RASA3: variants seen among roughly 807,000 people sequenced by gnomAD.
RASA3 encodes RAS p21 protein activator 3, also known as ras GTPase-activating protein 3.
In RASA3, 73 loss-of-function variants were observed where a neutral mutation model predicts 110.0. The ratio of observed to expected loss-of-function variants is 0.66; its 90% CI spans 0.55 to 0.81. The LOEUF (loss-of-function observed/expected upper bound fraction) is 0.81. Among genes scored for constraint, RASA3 ranks in the 30% least tolerant of loss-of-function variants. The probability of loss-of-function intolerance (pLI) is 0.00; values close to 1 mark genes in which losing one functional copy is unlikely to be tolerated. For synonymous variants in RASA3, 500 were observed against 451.4 expected (o/e 1.11, Z -1.37); for missense variants, 976 against 1,113.2 (o/e 0.88, Z 1.75).
chr13:114,039,464 A>T (rs917806060), intron 4 of RASA3, among the ~76,000 whole-genome samples: 2 of 152,086 alleles, frequency 1.3e-5, no homozygotes, highest in Non-Finnish European at 2.9e-5. Flanking sequence ...CTGAGGACCC[A>T]GGAAGCCGTC....
In RASA3 at chr13:114,014,126, GTC is replaced by G. The variant is rs768608216; in HGVS notation, c.1406-880_1406-879del. On this transcript the variant is annotated intron_variant, in intron 14 of 23. Transcript: ENST00000334062. The surrounding 1 kb of genome is among the most constrained non-coding windows in gnomAD (Gnocchi z 4.5). ...TCCCTGTCTCTCTCTCTCTCTCCTT[GTC>G]TCTCTCTGTCTCTCTCCTTCTGTCT... Among the ~76,000 whole-genome samples, 2 of 138,980 alleles carry G rather than the reference GTC, an allele frequency of 1.4e-5. No homozygotes were observed. Among genetic ancestry groups the G allele is most frequent in the Non-Finnish European group, 3.1e-5 (2 of 63,680 alleles). The allele number at this position is 138,980 out of a possible 152,430, so 91.2% of individuals were successfully genotyped here. A position where few individuals can be genotyped will look rare whatever the true frequency, so the allele number is the denominator to read the frequency against.
At chr13:114,041,692 T>G (rs1201682646) in intron 3 of RASA3, among the ~76,000 whole-genome samples, 2 of 152,260 alleles carry the variant, frequency 1.3e-5, no homozygotes, top group Non-Finnish European at 2.9e-5. Context: ...TTTCCGTGTG[T>G]GTGGACACGC....
At chr13:114,034,541 G>T (rs566819859) in intron 4 of RASA3, among the ~76,000 whole-genome samples, 4 of 152,220 alleles carry the variant, frequency 2.6e-5, no homozygotes, top group Non-Finnish European at 5.9e-5. Context: ...TGTTCCTGCA[G>T]CATGAATCCC....
At chr13:114,016,299 G>A (rs374402193) in intron 12 of RASA3, 28 bp from the exon 13 acceptor site, 6 of 1,517,260 alleles carry the variant, frequency 4.0e-6, no homozygotes, top group Admixed American at 1.7e-5. Context: ...ACAGGGCTCT[G>A]TGAGTGGGTT....
At chr13:114,052,233 T>C in intron 2 of RASA3, 78 bp from the exon 3 acceptor site, 2 of 957,930 alleles carry the variant, frequency 2.1e-6, no homozygotes, top group South Asian at 2.8e-5. Flanking sequence ...ACGTGTGGTC[T>C]TAGTTTTAAA....
chr13:114,112,099 A>AT lies in RASA3; in HGVS notation c.55+20335_55+20336insA, dbSNP rs1555343905. ...TCCCTGGAAACAGCAGCCCCCAGGC[A>AT]CCCCCCCCAGCAACTGGGACAAGGG... is the stretch of plus-strand genomic sequence containing the variant. On this transcript the variant is annotated intron_variant, in intron 1 of 23. Coordinates refer to ENST00000334062, the MANE Select transcript of RASA3 (RefSeq NM_007368.4). This position sits in a 1 kb window ranked among gnomAD's most constrained non-coding sequence, Gnocchi z 4.8. Among the ~76,000 whole-genome samples the AT allele has an allele frequency of 6.7e-6, 1 of 149,176 alleles. No individual in the cohort carries two copies. Among genetic ancestry groups the AT allele is most frequent in the Non-Finnish European group, 1.5e-5 (1 of 67,156 alleles).
At chr13:114,127,243 C>T (rs2080463205) in intron 1 of RASA3, among the ~76,000 whole-genome samples, 2 of 152,262 alleles carry the variant, frequency 1.3e-5, no homozygotes, top group African/African-American at 4.8e-5. Context: ...GTGTTTTCCA[C>T]CAATGCCAGA....
At chr13:114,058,051 A>G (rs2079274406) in intron 2 of RASA3, among the ~76,000 whole-genome samples, 1 of 151,854 alleles carries the variant, frequency 6.6e-6, no homozygotes, top group Non-Finnish European at 1.5e-5. Context: ...GTCCTGTCCT[A>G]TTCATTCATT....
At chr13:114,102,321 C>T (rs964201581) in intron 1 of RASA3, among the ~76,000 whole-genome samples, 41 of 152,086 alleles carry the variant, frequency 2.7e-4, no homozygotes, top group Admixed American at 4.6e-4. Flanking sequence ...GGCAGAGCAG[C>T]GGGCACCGAA....
chr13:114,034,960 C>A (rs1206904208), intron 4 of RASA3, among the ~76,000 whole-genome samples: 1 of 145,830 alleles, frequency 6.9e-6, no homozygotes, highest in Non-Finnish European at 1.5e-5. Context: ...GAAGGGAGAT[C>A]TGAACGCTGA....
At chr13:114,051,844 C>G (rs995503136) in intron 3 of RASA3, among the ~76,000 whole-genome samples, 1 of 152,218 alleles carries the variant, frequency 6.6e-6, no homozygotes, top group Non-Finnish European at 1.5e-5. Context: ...TGCTCACTGA[C>G]CTGAGCCTGG....
chr13:114,099,075 CCGAGCCCCCCAGACCACAGCAG>C (rs2079987638), intron 1 of RASA3, among the ~76,000 whole-genome samples: 1 of 240 alleles, frequency 4.2e-3, no homozygotes, highest in East Asian at 0.12. Flanking sequence ...GCCCGGCCAC[CCGAGCCCCCCAGACCACAGCAG>C]TCGGGGCCCG....
rs2079945742 is a variant in RASA3, at chr13:114,096,428, G to A, written c.56-22591C>T. Among the ~76,000 whole-genome samples the A allele has an allele frequency of 2.0e-5, 3 of 152,144 alleles. No homozygotes were observed. Among genetic ancestry groups the A allele is most frequent in the Admixed American group, 2.0e-4 (3 of 15,282 alleles). On this transcript the variant is annotated intron_variant, in intron 1 of 23. Transcript: ENST00000334062. This position sits in a 1 kb window ranked among gnomAD's most constrained non-coding sequence, Gnocchi z 5.1. ...AACCCTGTGCATTGCCCATCTGTGA[G>A]CCGACCTCCTGCCTGAAGCCACCTT...
chr13:113,991,506 G>C (rs1305743416), intron 22 of RASA3, among the ~76,000 whole-genome samples: 1 of 152,232 alleles, frequency 6.6e-6, no homozygotes, highest in African/African-American at 2.4e-5. Flanking sequence ...CACTGGCATA[G>C]AAACAAACGC....
intron 14 of RASA3, 131 bp from the exon 15 acceptor site, chr13:114,013,379 G>T: frequency 3.7e-6 from 1 of 267,552 alleles, no homozygotes; most frequent in Non-Finnish European, 6.3e-6. Flanking sequence ...ACCTGTGTCT[G>T]TCTCTCTCCC....
chr13:114,055,128 GCATGTT>G (rs150047034), intron 2 of RASA3, among the ~76,000 whole-genome samples: 14,995 of 152,052 alleles, frequency 0.099, 958 homozygotes, highest in Middle Eastern at 0.15. Flanking sequence ...AGGCAGGTGT[GCATGTT>G]CATGTGCATG....
chr13:114,014,052 G>A lies in RASA3; in HGVS notation c.1406-804C>T, dbSNP rs1350524700. On this transcript the variant is annotated intron_variant, in intron 14 of 23. Coordinates refer to ENST00000334062, the MANE Select transcript of RASA3 (RefSeq NM_007368.4). The surrounding 1 kb of genome is among the most constrained non-coding windows in gnomAD (Gnocchi z 4.5). ...TCTCTCCGTCTCTATCTCTCTCTCC[G>A]TCTGTCTCTGCCTCTCTCTCCGTCT... is the stretch of plus-strand genomic sequence containing the variant. Among the ~76,000 whole-genome samples the A allele has an allele frequency of 1.1e-4, 9 of 83,142 alleles. No individual in the cohort carries two copies. Among genetic ancestry groups the A allele is most frequent in the African/African-American group, 2.5e-4 (6 of 23,756 alleles). The allele number at this position is 83,142 out of a possible 152,430, so 54.5% of individuals were successfully genotyped here. A position where few individuals can be genotyped will look rare whatever the true frequency, so the allele number is the denominator to read the frequency against.
At chr13:114,122,187 C>T (rs957843539) in intron 1 of RASA3, among the ~76,000 whole-genome samples, 7 of 152,224 alleles carry the variant, frequency 4.6e-5, no homozygotes, top group Non-Finnish European at 7.3e-5. Context: ...GGCCCCTCCG[C>T]GGTCAGCCCC....
At chr13:114,024,968 C>G (rs1374020136) in intron 7 of RASA3, among the ~76,000 whole-genome samples, 2 of 152,246 alleles carry the variant, frequency 1.3e-5, no homozygotes, top group Non-Finnish European at 2.9e-5. Flanking sequence ...GACCGCCCCC[C>G]GCCAGCCAGC....
Sources: allele counts gnomAD v4.1 joint callset (sites outside exome capture counted in the v4.1 genomes callset), GRCh38; gene constraint gnomAD v4.1.1; non-coding constraint Gnocchi (gnomAD v3.1); transcripts MANE v1.5; gene names NCBI Gene and HGNC (gene_info 2026-07-23, HGNC 2026-07-21).